The following PDE4B variants were observed in gnomAD, a reference collection of about 807,000 sequenced individuals.
PDE4B encodes 3',5'-cyclic-AMP phosphodiesterase 4B.
In PDE4B, 20 loss-of-function variants were observed where a neutral mutation model predicts 82.2. The observed-to-expected ratio is 0.24, with a 90% CI of 0.17 to 0.35. The LOEUF is 0.35. Ranked by LOEUF, PDE4B falls within the 10% of genes least tolerant of loss-of-function variation. The probability of loss-of-function intolerance (pLI) is 1.00; values close to 1 mark genes in which losing one functional copy is unlikely to be tolerated. For missense variants in PDE4B, 655 were observed against 907.2 expected, an observed-to-expected ratio of 0.72 and a Z score of 3.57; for synonymous variants, 320 against 318.9, an observed-to-expected ratio of 1.00 and a Z score of -0.04.
At chr1:65,847,980 G>A (rs537785519) in intron 1 of PDE4B, among the ~76,000 whole-genome samples, 2 of 151,746 alleles carry the variant, frequency 1.3e-5, no homozygotes, top group Non-Finnish European at 2.9e-5. Context: ...AGCTTTATCA[G>A]TACAATAAAA....
At chr1:66,075,048 T>C (rs1341992580) in intron 3 of PDE4B, among the ~76,000 whole-genome samples, 1 of 152,014 alleles carries the variant, frequency 6.6e-6, no homozygotes, top group African/African-American at 2.4e-5. Flanking sequence ...TTTACTGAAG[T>C]GGCAGTGCAC....
At chr1:66,160,031 C>T (rs183713066) in intron 3 of PDE4B, among the ~76,000 whole-genome samples, 1 of 152,312 alleles carries the variant, frequency 6.6e-6, no homozygotes, top group Admixed American at 6.5e-5. Context: ...ACAGCTCTTG[C>T]CTGCTGGCCA....
Position 66,355,035 on chromosome 1 carries a change from A to T in PDE4B, c.748-492A>T, listed in dbSNP as rs10082146. 7.5e-3 allele frequency: 4,966 copies of T among 666,524 alleles called. 189 individuals are homozygous for T. In the African/African-American group the frequency reaches 0.079, roughly 11 times the overall value. The allele number at this position is 666,524 out of a possible 1,614,324, so 41.3% of individuals were successfully genotyped here. On this transcript the variant is annotated intron_variant, in intron 8 of 16. Transcript: ENST00000341517. ...CACTGGGACCTCTTATTTTGAAATA[A>T]GAGCATGTTATATTACATTTTATTT...
At chr1:66,284,451 A>C (rs1277852808) in intron 7 of PDE4B, among the ~76,000 whole-genome samples, 1 of 152,178 alleles carries the variant, frequency 6.6e-6, no homozygotes, top group Non-Finnish European at 1.5e-5. Flanking sequence ...ATAGTATTTC[A>C]TAAGGCAAAG....
intron 3 of PDE4B, among the ~76,000 whole-genome samples, chr1:66,029,058 C>A (rs1429108951): frequency 1.3e-5 from 2 of 152,130 alleles, no homozygotes; most frequent in Non-Finnish European, 2.9e-5. Context: ...CTTTTTCACA[C>A]TGCTTATAAA....
intron 7 of PDE4B, among the ~76,000 whole-genome samples, chr1:66,286,389 C>G (rs1430702951): frequency 6.6e-6 from 1 of 152,076 alleles, no homozygotes; most frequent in Non-Finnish European, 1.5e-5. Flanking sequence ...AGAAACATAG[C>G]CTGTGGCCTT....
rs41286714 is a variant in PDE4B, at chr1:66,368,891, G to A, written c.1767G>A (p.Gln589=). The change falls in exon 16 of 17, where the codon CAG becomes CAA. Residue 589 remains glutamine, a synonymous_variant. Transcript: ENST00000341517. ...TDRIMEEFFQ[Q]GDKERERGME... is the part of the protein sequence containing the mutation. ...GCATCATGGAGGAATTTTTCCAGCAGGGAGACAAAGAGCGGGAGAGGGGAA... is the reference window on the plus strand; with the variant it reads ...GCATCATGGAGGAATTTTTCCAGCAAGGAGACAAAGAGCGGGAGAGGGGAA... 20 of 1,613,702 alleles carry A rather than the reference G, an allele frequency of 1.2e-5. No individual in the cohort carries two copies. Among genetic ancestry groups the A allele is most frequent in the Non-Finnish European group, 1.6e-5 (19 of 1,179,720 alleles).
At chr1:66,138,979 G>T (rs553831784) in intron 3 of PDE4B, among the ~76,000 whole-genome samples, 62 of 152,190 alleles carry the variant, frequency 4.1e-4, no homozygotes, top group African/African-American at 1.5e-3. Context: ...AAATTTGCTG[G>T]TTTTCTCCCT....
chr1:66,332,540 C>T lies in PDE4B; in HGVS notation c.667C>T (p.Leu223=), dbSNP rs1345319200. The change falls in exon 8 of 17, where the codon CTG becomes TTG. Residue 223 remains leucine (L), a synonymous_variant. Coordinates refer to ENST00000341517, the MANE Select transcript of PDE4B (RefSeq NM_002600.4). ...ESYQKLAMET[L]EELDWCLDQL... ...TTATCAAAAATTAGCAATGGAAACG[C>T]TGGAGGAATTAGACTGGTGTTTAGA... 2 of 1,614,110 alleles carry T rather than the reference C, an allele frequency of 1.2e-6. No homozygotes were observed. Among genetic ancestry groups the T allele is most frequent in the East Asian group, 4.5e-5 (2 of 44,882 alleles).
In PDE4B at chr1:66,247,668, C is replaced by T; in HGVS notation, c.476+14C>T. ...TCCAAGCGAGCAGTAAGTACAAGCT[C>T]TGTCTGGCTTCCAGTTTCACATTTA... On this transcript the variant is annotated intron_variant, in intron 4 of 16. Transcript: ENST00000341517. 1 of 1,539,028 alleles carries T rather than the reference C, an allele frequency of 6.5e-7. No individual in the cohort carries two copies. Among genetic ancestry groups the T allele is most frequent in the Non-Finnish European group, 8.8e-7 (1 of 1,139,978 alleles).
chr1:65,879,720 G>A (rs1422495312), intron 1 of PDE4B, among the ~76,000 whole-genome samples: 1 of 152,148 alleles, frequency 6.6e-6, no homozygotes, highest in East Asian at 1.9e-4. Context: ...TATAGCTGTA[G>A]TACAAGGAAT....
At chr1:66,265,970 G>C in intron 6 of PDE4B, 68 bp from the exon 7 acceptor site, 2 of 1,089,284 alleles carry the variant, frequency 1.8e-6, no homozygotes, top group Non-Finnish European at 2.8e-6. Context: ...CCATGAGGGT[G>C]GGGTGTCGGG....
At position 65,918,813 on chromosome 1, in the gene PDE4B, A is replaced by G. The variant is rs775573517; in HGVS notation, c.259A>G (p.Ile87Val). The G allele has an allele frequency of 3.1e-6, 5 of 1,610,712 alleles. No individual in the cohort carries two copies. Among genetic ancestry groups the G allele is most frequent in the Non-Finnish European group, 4.2e-6 (5 of 1,176,946 alleles). ...LPLTTLPSIA[I>V]TTVSQECFDV... ...TTTGACAACGCTTCCAAGCATTGCT[A>G]TTACAACTGTAAGCCAGGAGTGGTG... The change falls in exon 3 of 17, where the codon ATT becomes GTT. Residue 87 changes from isoleucine to valine, a missense_variant. Physicochemically the swap from Ile to Val is conservative, Grantham distance 29. Around this residue, in one of 3 missense-constraint regions of PDE4B, gnomAD observed 253 missense variants for 275.6 expected, o/e 0.92. Coordinates refer to ENST00000341517, the MANE Select transcript of PDE4B (RefSeq NM_002600.4).
At chr1:66,329,307 G>A (rs1021111996) in intron 7 of PDE4B, among the ~76,000 whole-genome samples, 1 of 152,156 alleles carries the variant, frequency 6.6e-6, no homozygotes, top group Middle Eastern at 3.2e-3. Flanking sequence ...GGAAGCCCCT[G>A]TGTTATCTTT....
chr1:66,075,112 T>C (rs2100938886), intron 3 of PDE4B, among the ~76,000 whole-genome samples: 1 of 152,030 alleles, frequency 6.6e-6, no homozygotes, highest in East Asian at 2.0e-4. Flanking sequence ...ACAGGCACTG[T>C]GCCCAGAGTA....
chr1:66,049,974 T>C lies in PDE4B; in HGVS notation c.281+131139T>C, dbSNP rs1027015870. On this transcript the variant is annotated intron_variant, in intron 3 of 16. Coordinates refer to ENST00000341517, the MANE Select transcript of PDE4B (RefSeq NM_002600.4). ...AAACTCCACACAAATAAATAATACA[T>C]TTAAAACTATTTTTAGAAGAATAAT... Among the ~76,000 whole-genome samples, 3 of 152,050 alleles carry C rather than the reference T, an allele frequency of 2.0e-5. No individual in the cohort carries two copies. The East Asian group carries it at 5.8e-4, about 29-fold the overall frequency.
intron 1 of PDE4B, among the ~76,000 whole-genome samples, chr1:65,825,709 T>C (rs1486996133): frequency 1.1e-5 from 1 of 89,462 alleles, no homozygotes; most frequent in Admixed American, 1.1e-4. Flanking sequence ...AAATTACCTA[T>C]CTATCTATCT....
chr1:66,039,524 G>A (rs962695993), intron 3 of PDE4B, among the ~76,000 whole-genome samples: 5 of 151,890 alleles, frequency 3.3e-5, no homozygotes, highest in African/African-American at 1.2e-4. Context: ...CAACAACGTT[G>A]TTTACTTCTC....
At chr1:66,266,718 A>G (rs1183986100) in intron 7 of PDE4B, 5 of 525,784 alleles carry the variant, frequency 9.5e-6, no homozygotes, top group Admixed American at 2.0e-5. Context: ...GCAGAGAGGA[A>G]GGGCCACCTT....
Sources: gnomAD v4.1 joint callset for allele counts (sites outside exome capture counted in the v4.1 genomes callset) on GRCh38, gnomAD v4.1.1 for gene constraint, gnomAD v4.1.1 regional missense constraint, MANE v1.5 for transcripts, NCBI Gene and HGNC (gene_info 2026-07-23, HGNC 2026-07-21) for gene names.